The following ARMH3 variants were observed in gnomAD, a reference collection of about 807,000 sequenced individuals.
The protein encoded by ARMH3 is armadillo like helical domain containing 3.
In ARMH3, 60 loss-of-function variants were observed where a neutral mutation model predicts 99.1. That is an observed-to-expected ratio of 0.61 (90% CI 0.49 to 0.75). The LOEUF (loss-of-function observed/expected upper bound fraction) is 0.75, where lower values mean the gene tolerates loss of function less well. Among genes scored for constraint, ARMH3 ranks in the 30% least tolerant of loss-of-function variants. The probability of loss-of-function intolerance (pLI) is 0.00; values close to 1 mark genes in which losing one functional copy is unlikely to be tolerated. For synonymous variants in ARMH3, 285 were observed against 292.8 expected, an observed-to-expected ratio of 0.97 and a Z score of 0.27; for missense variants, 679 against 843.1, an observed-to-expected ratio of 0.81 and a Z score of 2.41.
intron 5 of ARMH3, among the ~76,000 whole-genome samples, chr10:102,028,597 G>A (rs2067053627): frequency 6.6e-6 from 1 of 152,128 alleles, no homozygotes; most frequent in South Asian, 2.1e-4. Context: ...CCTATAATAT[G>A]GAGGAACCAC....
At chr10:101,903,404 GAC>G (rs959203887) in intron 23 of ARMH3, among the ~76,000 whole-genome samples, 3 of 152,166 alleles carry the variant, frequency 2.0e-5, no homozygotes, top group African/African-American at 7.2e-5. Context: ...AAATGGAAAA[GAC>G]ACACACGACA....
At chr10:102,042,848 G>A (rs1436156289) in intron 1 of ARMH3, among the ~76,000 whole-genome samples, 11 of 152,208 alleles carry the variant, frequency 7.2e-5, no homozygotes, top group African/African-American at 1.9e-4. Context: ...CAAGGTGGGC[G>A]GATCACCTGA....
At chr10:101,877,023 C>T (rs2067284167) in intron 24 of ARMH3, among the ~76,000 whole-genome samples, 2 of 151,954 alleles carry the variant, frequency 1.3e-5, no homozygotes, top group African/African-American at 4.8e-5. Context: ...ACCTAGGCAA[C>T]ATAAGGAGAC....
At chr10:101,945,485 A>C (rs1368837653) in intron 22 of ARMH3, among the ~76,000 whole-genome samples, 1 of 152,206 alleles carries the variant, frequency 6.6e-6, no homozygotes, top group Non-Finnish European at 1.5e-5. Flanking sequence ...TGGGAGGCTG[A>C]GGCGGGTGGA....
At chr10:102,046,818 CT>C (rs2067565122) in intron 1 of ARMH3, among the ~76,000 whole-genome samples, 1 of 152,078 alleles carries the variant, frequency 6.6e-6, no homozygotes, top group African/African-American at 2.4e-5. Context: ...ATAAACAAAG[CT>C]GAGGGCCTAC....
intron 22 of ARMH3, among the ~76,000 whole-genome samples, chr10:101,954,734 G>C (rs1383586628): frequency 6.6e-6 from 1 of 151,946 alleles, no homozygotes; most frequent in African/African-American, 2.4e-5. Flanking sequence ...TTCAGCATAA[G>C]TTTATACTTT....
chr10:101,896,920 A>G (rs779893625), intron 23 of ARMH3, among the ~76,000 whole-genome samples: 1 of 152,180 alleles, frequency 6.6e-6, no homozygotes, highest in East Asian at 1.9e-4. Context: ...GAAGAGTCCA[A>G]CTCATGGTAA....
rs181329010 is a variant in ARMH3 at position 101,926,226 on chromosome 10, C to T, written c.1781+13637G>A. Among the ~76,000 whole-genome samples the T allele has an allele frequency of 3.9e-5, 6 of 152,238 alleles. No individual in the cohort carries two copies. In the East Asian group the frequency reaches 7.7e-4, roughly 20 times the overall value. On this transcript the variant is annotated intron_variant, in intron 23 of 25. Coordinates refer to ENST00000370033, the MANE Select transcript of ARMH3 (RefSeq NM_024541.3). Reference sequence around the variant, plus strand: ...TTTTGGAGACAAGGTCTCACTCTGTCGCCCAGGCTGGAGTACAGTGGTGTG... The same window carrying T: ...TTTTGGAGACAAGGTCTCACTCTGTTGCCCAGGCTGGAGTACAGTGGTGTG...
intron 15 of ARMH3, among the ~76,000 whole-genome samples, chr10:102,000,714 G>A (rs1027413972): frequency 3.3e-5 from 5 of 151,594 alleles, no homozygotes; most frequent in African/African-American, 7.3e-5. Flanking sequence ...AGGCTGCAGT[G>A]AGCTGAAACC....
chr10:101,994,189 C>T lies in ARMH3; in HGVS notation c.1210-586G>A, dbSNP rs80023308. ...AACATCCCTTGGCCCTTTCCCAATACCTTTTCTGAAGATCTGACAAGCCTA... is the reference window on the plus strand; with the variant it reads ...AACATCCCTTGGCCCTTTCCCAATATCTTTTCTGAAGATCTGACAAGCCTA... On this transcript the variant is annotated intron_variant, in intron 16 of 25. Transcript: ENST00000370033. Among the ~76,000 whole-genome samples, 1,051 of 152,330 alleles carry T rather than the reference C, an allele frequency of 6.9e-3. 7 individuals are homozygous for T. The highest frequency in any genetic ancestry group is 0.023 in the African/African-American group (957 of 41,558).
chr10:101,919,502 A>C (rs955931568), intron 23 of ARMH3, among the ~76,000 whole-genome samples: 1 of 152,010 alleles, frequency 6.6e-6, no homozygotes, highest in African/African-American at 2.4e-5. Flanking sequence ...TCTCTCGCTG[A>C]CTTTATTTCT....
chr10:101,897,408 A>G lies in ARMH3; in HGVS notation c.1782-7918T>C, dbSNP rs566624868. Among the ~76,000 whole-genome samples the G allele has an allele frequency of 3.9e-5, 6 of 152,342 alleles. No homozygotes were observed. In the South Asian group the frequency reaches 1.0e-3, roughly 26 times the overall value. ...ATAAAAATTAAAATGTTTTATCCTCATCCCAGGAAAAAAGGTGGCTCAGAC... is the reference window on the plus strand; with the variant it reads ...ATAAAAATTAAAATGTTTTATCCTCGTCCCAGGAAAAAAGGTGGCTCAGAC... On this transcript the variant is annotated intron_variant, in intron 23 of 25. Transcript: ENST00000370033.
At position 102,029,720 on chromosome 10, in the gene ARMH3, A is replaced by T. The variant is rs2067082496; in HGVS notation, c.332T>A (p.Val111Asp). ...AGAGGTAGACTTATTCTTTTGATGG[A>T]CTCCTCGAATGAGTGCGCACAGGGT... ...LQTLCALIRG[V>D]HQKNKSTSGF... The change falls in exon 5 of 26, where the codon GTC becomes GAC. Residue 111 changes from valine (V) to aspartate (D), a missense_variant. This residue lies in a region of ARMH3 where 280 missense variants were observed against 354.6 expected (regional missense o/e 0.79). Coordinates refer to ENST00000370033, the MANE Select transcript of ARMH3 (RefSeq NM_024541.3). 6.2e-7 allele frequency: 1 copy of T among 1,613,880 alleles called. No homozygotes were observed. Among genetic ancestry groups the T allele is most frequent in the African/African-American group, 1.3e-5 (1 of 74,856 alleles).
chr10:102,049,134 A>G (rs2067629142), intron 1 of ARMH3, among the ~76,000 whole-genome samples: 1 of 152,140 alleles, frequency 6.6e-6, no homozygotes, highest in Non-Finnish European at 1.5e-5. Flanking sequence ...TTTCAGTAGC[A>G]TGGGACAGGT....
intron 24 of ARMH3, among the ~76,000 whole-genome samples, chr10:101,871,989 G>A (rs865829786): frequency 1.3e-5 from 2 of 151,398 alleles, no homozygotes; most frequent in South Asian, 4.2e-4. Flanking sequence ...GACAGAGTAA[G>A]ACTCTCAAAA....
chr10:102,041,224 T>A (rs2067417128), intron 1 of ARMH3, among the ~76,000 whole-genome samples: 2 of 148,786 alleles, frequency 1.3e-5, no homozygotes, highest in Non-Finnish European at 1.5e-5. Context: ...GAATTCTCGA[T>A]TTTTTTTTTC....
At chr10:101,914,107 C>T (rs1277396073) in intron 23 of ARMH3, among the ~76,000 whole-genome samples, 1 of 152,114 alleles carries the variant, frequency 6.6e-6, no homozygotes, top group Admixed American at 6.6e-5. Context: ...CAAGATGAAC[C>T]TTCATTTCCC....
intron 8 of ARMH3, among the ~76,000 whole-genome samples, chr10:102,021,611 A>C (rs2066887427): frequency 6.6e-6 from 1 of 150,504 alleles, no homozygotes. Context: ...GCAGTGGTGC[A>C]ATCTCCACTC....
chr10:102,018,528 G>A (rs954223543), intron 8 of ARMH3, among the ~76,000 whole-genome samples: 2 of 152,116 alleles, frequency 1.3e-5, no homozygotes, highest in Admixed American at 1.3e-4. Context: ...GATTATAATG[G>A]AACTGAAAAA....
Sources: allele counts gnomAD v4.1 joint callset (sites outside exome capture counted in the v4.1 genomes callset), GRCh38; gene constraint gnomAD v4.1.1; regional missense constraint gnomAD v4.1.1; transcripts MANE v1.5; gene names NCBI Gene and HGNC (gene_info 2026-07-23, HGNC 2026-07-21).